OPRD1: variants seen among roughly 807,000 people sequenced by gnomAD.
The protein encoded by OPRD1 is opioid receptor delta 1, also known as delta-type opioid receptor.
In OPRD1, 19 loss-of-function variants were observed where a neutral mutation model predicts 17.5. That is an observed-to-expected ratio of 1.09 (90% confidence interval 0.76 to 1.60). OPRD1 has a LOEUF of 1.60. OPRD1 is among the 40% of genes most tolerant of loss of function. The pLI, the probability that OPRD1 is intolerant of heterozygous loss-of-function variation, is 0.00. For synonymous variants in OPRD1, 256 were observed against 240.9 expected, an observed-to-expected ratio of 1.06 and a Z score of -0.58; for missense variants, 483 against 547.2, an observed-to-expected ratio of 0.88 and a Z score of 1.17.
intron 1 of OPRD1, among the ~76,000 whole-genome samples, chr1:28,816,731 A>ATG (rs1486170905): frequency 1.3e-5 from 2 of 152,048 alleles, no homozygotes; most frequent in Non-Finnish European, 2.9e-5. Flanking sequence ...CGTGCTGGCC[A>ATG]TGGGGATGCC....
chr1:28,853,265 T>C (rs1445168814), intron 1 of OPRD1, among the ~76,000 whole-genome samples: 1 of 152,228 alleles, frequency 6.6e-6, no homozygotes, highest in Non-Finnish European at 1.5e-5. Flanking sequence ...GTGGAAGTGA[T>C]GTGTCGCCAC....
chr1:28,844,563 T>A (rs1347006892), intron 1 of OPRD1, among the ~76,000 whole-genome samples: 1 of 152,214 alleles, frequency 6.6e-6, no homozygotes, highest in Admixed American at 6.5e-5. Context: ...AGTGCTAGGA[T>A]TACAGATGTG....
chr1:28,862,654 A>G, intron 2 of OPRD1, 88 bp from the exon 3 acceptor site: 1 of 1,303,210 alleles, frequency 7.7e-7, no homozygotes. Flanking sequence ...GACTTGCCCA[A>G]GCCTTGAAAG....
intron 1 of OPRD1, among the ~76,000 whole-genome samples, chr1:28,834,163 C>T (rs1404788784): frequency 6.6e-6 from 1 of 152,110 alleles, no homozygotes; most frequent in Non-Finnish European, 1.5e-5. Context: ...CCGCCCACCT[C>T]GGCCTCCCAA....
intron 1 of OPRD1, 79 bp downstream of exon 1, chr1:28,812,689 C>T: frequency 7.9e-7 from 1 of 1,271,818 alleles, no homozygotes; most frequent in Non-Finnish European, 1.0e-6. Flanking sequence ...ACCCCAAGCC[C>T]GTTCCCTGGA....
chr1:28,845,810 G>A (rs180905653), intron 1 of OPRD1, among the ~76,000 whole-genome samples: 154 of 152,060 alleles, frequency 1.0e-3, no homozygotes, highest in African/African-American at 3.6e-3. Context: ...AAAAATTAGA[G>A]AACAACAGTA....
chr1:28,854,150 T>C (rs2089033786), intron 1 of OPRD1, among the ~76,000 whole-genome samples: 1 of 152,136 alleles, frequency 6.6e-6, no homozygotes, highest in Non-Finnish European at 1.5e-5. Flanking sequence ...ACACAGAACA[T>C]GTGAGGAACT....
intron 1 of OPRD1, among the ~76,000 whole-genome samples, chr1:28,851,564 A>G (rs1469474572): frequency 1.3e-5 from 2 of 152,170 alleles, no homozygotes; most frequent in Non-Finnish European, 2.9e-5. Context: ...TAGAAAGCAA[A>G]CAGTGCAGAT....
rs577425950 is a variant in OPRD1 at position 28,863,544 on chromosome 1, CG to C, written c.*264del. 1.8e-3 allele frequency: 730 copies of C among 416,274 alleles called. No individual in the cohort carries two copies. The highest frequency in any genetic ancestry group is 2.5e-3 in the Non-Finnish European group (587 of 238,822). The allele number at this position is 416,274 out of a possible 1,614,324, so 25.8% of individuals were successfully genotyped here. A position where few individuals can be genotyped will look rare whatever the true frequency, so the allele number is the denominator to read the frequency against. ...GCCCCGTCCACGGCTCTAGGTGGGGCGGGAAAGCCAGTGACTCCAGGAGAGG... is the reference window on the plus strand; with the variant it reads ...GCCCCGTCCACGGCTCTAGGTGGGGCGGAAAGCCAGTGACTCCAGGAGAGG... On this transcript the variant is annotated 3_prime_UTR_variant, in exon 3 of 3. Coordinates refer to ENST00000234961, the MANE Select transcript of OPRD1 (RefSeq NM_000911.4).
intron 1 of OPRD1, among the ~76,000 whole-genome samples, chr1:28,832,220 T>C (rs902849714): frequency 6.6e-6 from 1 of 152,140 alleles, no homozygotes; most frequent in Non-Finnish European, 1.5e-5. Context: ...GCAGACTTAT[T>C]TGTAATGTCA....
intron 1 of OPRD1, among the ~76,000 whole-genome samples, chr1:28,817,158 G>C (rs1411768673): frequency 6.6e-6 from 1 of 152,158 alleles, no homozygotes; most frequent in Non-Finnish European, 1.5e-5. Context: ...TGTCTCTTCT[G>C]ATTTGTCTCC....
intron 1 of OPRD1, among the ~76,000 whole-genome samples, chr1:28,823,225 C>G (rs1303520097): frequency 7.0e-6 from 1 of 142,544 alleles, no homozygotes; most frequent in Non-Finnish European, 1.5e-5. Flanking sequence ...GACATGGAGC[C>G]TCACTTTATC....
intron 1 of OPRD1, among the ~76,000 whole-genome samples, chr1:28,815,966 G>A (rs1329401844): frequency 2.6e-5 from 4 of 152,154 alleles, no homozygotes; most frequent in Admixed American, 2.6e-4. Context: ...GTGACGAGCT[G>A]TCTGAAGCTC....
At chr1:28,838,406 G>A (rs890646626) in intron 1 of OPRD1, among the ~76,000 whole-genome samples, 3 of 152,174 alleles carry the variant, frequency 2.0e-5, no homozygotes, top group East Asian at 3.9e-4. Flanking sequence ...CAGATTTTCT[G>A]TGTGACCTTG....
rs204064 is a variant in OPRD1 at position 28,869,650 on chromosome 1, T to C, written c.*6367T>C. On this transcript the variant is annotated 3_prime_UTR_variant, in exon 3 of 3. Coordinates refer to ENST00000234961, the MANE Select transcript of OPRD1 (RefSeq NM_000911.4). Reference sequence around the variant, plus strand: ...ACCACATGGCTTCTCAGTGATTGGCTCAGCTAGGATCCCACCTTTGGTCCT... The same window carrying C: ...ACCACATGGCTTCTCAGTGATTGGCCCAGCTAGGATCCCACCTTTGGTCCT... The C allele has an allele frequency of 0.73, 111,319 of 152,264 alleles. 41,362 individuals are homozygous for C. The highest frequency in any genetic ancestry group is 0.91 in the East Asian group (4,720 of 5,180). 9.4% of individuals were successfully genotyped at this position (152,264 alleles called of 1,614,324 possible).
intron 1 of OPRD1, among the ~76,000 whole-genome samples, chr1:28,813,834 T>C (rs1302172247): frequency 1.3e-5 from 2 of 152,202 alleles, no homozygotes; most frequent in Admixed American, 6.5e-5. Context: ...AGCCTAGTCA[T>C]GGATGCCCAG....
chr1:28,828,410 T>A (rs2088783577), intron 1 of OPRD1, among the ~76,000 whole-genome samples: 1 of 151,928 alleles, frequency 6.6e-6, no homozygotes, highest in Admixed American at 6.6e-5. Flanking sequence ...GGCTTTGTTG[T>A]ACCATTTATA....
At chr1:28,846,899 T>TC (rs1436688365) in intron 1 of OPRD1, among the ~76,000 whole-genome samples, 5 of 145,356 alleles carry the variant, frequency 3.4e-5, no homozygotes, top group Non-Finnish European at 6.1e-5. Flanking sequence ...TCTTTTCTCT[T>TC]TCTTTCTTTT....
rs141704070 is a variant in OPRD1 at position 28,825,531 on chromosome 1, G to A, written c.227+12921G>A. Among the ~76,000 whole-genome samples the A allele has an allele frequency of 6.0e-3, 921 of 152,276 alleles. 12 individuals carry two copies. The highest frequency in any genetic ancestry group is 0.021 in the African/African-American group (881 of 41,554). On this transcript the variant is annotated intron_variant, in intron 1 of 2. Transcript: ENST00000234961. ...CTCCTGAGTAGCTTGGATTACAGGC[G>A]CACGCCACCACATCCGGCTAATTTT...
Sources: gnomAD v4.1 joint callset for allele counts (sites outside exome capture counted in the v4.1 genomes callset) on GRCh38, gnomAD v4.1.1 for gene constraint, MANE v1.5 for transcripts, NCBI Gene and HGNC (gene_info 2026-07-23, HGNC 2026-07-21) for gene names.